The following FBRSL1 variants were observed in gnomAD, a reference collection of about 807,000 sequenced individuals.
The protein encoded by FBRSL1 is fibrosin like 1.
A neutral mutation model predicts 89.6 loss-of-function variants in FBRSL1; 51 were observed. That is an observed-to-expected ratio of 0.57 (90% confidence interval 0.45 to 0.72). FBRSL1 has a LOEUF of 0.72. Ranked by LOEUF, FBRSL1 falls within the 30% of genes least tolerant of loss-of-function variation. FBRSL1 has a pLI of 0.00. For synonymous variants in FBRSL1, 779 were observed against 681.1 expected (o/e 1.14, Z -2.24); for missense variants, 1,618 against 1,451.8 (o/e 1.11, Z -1.86).
chr12:132,546,225 G>T lies in FBRSL1; in HGVS notation c.616-1778G>T, dbSNP rs906023625. On this transcript the variant is annotated intron_variant, in intron 4 of 18. Transcript: ENST00000680143. This position sits in a 1 kb window ranked among gnomAD's most constrained non-coding sequence, Gnocchi z 4.0. Reference sequence around the variant, plus strand: ...CATACTTTCCTCACCAAACACCAAGGCCCGCCCATATCACAGCAGGGGAGA... The same window carrying T: ...CATACTTTCCTCACCAAACACCAAGTCCCGCCCATATCACAGCAGGGGAGA... Among the ~76,000 whole-genome samples the T allele has an allele frequency of 6.6e-6, 1 of 152,232 alleles. No homozygotes were observed. The highest frequency in any genetic ancestry group is 2.4e-5 in the African/African-American group (1 of 41,450).
chr12:132,570,902 G>A (rs1194653141), intron 8 of FBRSL1, among the ~76,000 whole-genome samples, 166 bp from the exon 9 acceptor site: 3 of 152,312 alleles, frequency 2.0e-5, no homozygotes, highest in East Asian at 1.9e-4. Flanking sequence ...AACCCCGACC[G>A]CGAAGGCTTC....
At position 132,580,870 on chromosome 12, in the gene FBRSL1, A is replaced by AGGGCCC. The variant is rs562722518; in HGVS notation, c.1835-562_1835-557dup. ...TGAATCCCCTGCAGCAGCCCCTCCCAGGGCCCGGGCCCAGGCCCCACACGG... is the reference window on the plus strand; with the variant it reads ...TGAATCCCCTGCAGCAGCCCCTCCCAGGGCCCGGGCCCGGGCCCAGGCCCCACACGG... On this transcript the variant is annotated intron_variant, in intron 15 of 18. Transcript: ENST00000680143. The AGGGCCC allele has an allele frequency of 5.6e-4, 547 of 985,266 alleles. 4 individuals are homozygous for AGGGCCC. In the African/African-American group the frequency reaches 8.5e-3, roughly 15 times the overall value. 61.0% of individuals were successfully genotyped at this position (985,266 alleles called of 1,614,324 possible).
At chr12:132,544,113 G>A (rs1185362839) in intron 4 of FBRSL1, among the ~76,000 whole-genome samples, 1 of 152,220 alleles carries the variant, frequency 6.6e-6, no homozygotes, top group African/African-American at 2.4e-5. Flanking sequence ...GAATCACCCG[G>A]CTGCTACTCC....
rs2041008607 is a variant in FBRSL1 at position 132,584,572 on chromosome 12, C to A, written c.*794C>A. Reference sequence around the variant, plus strand: ...ATGCAAGCGCTTCCCGGCGGCTCTGCTGGTTGGGGGAGGAAGGTTCCGCCA... The same window carrying A: ...ATGCAAGCGCTTCCCGGCGGCTCTGATGGTTGGGGGAGGAAGGTTCCGCCA... On this transcript the variant is annotated 3_prime_UTR_variant, in exon 19 of 19. Transcript: ENST00000680143. The A allele has an allele frequency of 6.6e-6, 1 of 152,188 alleles. No homozygotes were observed. The highest frequency in any genetic ancestry group is 1.5e-5 in the Non-Finnish European group (1 of 68,040). The allele number at this position is 152,188 out of a possible 1,614,324, so 9.4% of individuals were successfully genotyped here.
intron 2 of FBRSL1, among the ~76,000 whole-genome samples, chr12:132,525,023 C>T (rs1249954715): frequency 6.7e-6 from 1 of 148,708 alleles, no homozygotes; most frequent in Non-Finnish European, 1.5e-5. Flanking sequence ...TGGCACGCAT[C>T]GGCGCCCATG....
chr12:132,490,526 C>T lies in FBRSL1; in HGVS notation c.-45C>T. On this transcript the variant is annotated 5_prime_UTR_variant, in exon 1 of 19. Coordinates refer to ENST00000680143, the MANE Select transcript of FBRSL1 (RefSeq NM_001367871.1). Reference sequence around the variant, plus strand: ...GGGAGCCCGCCTGCTGCGAGCCAGGCGCGGGGCGTCAAGGTCACCGGCCCG... The same window carrying T: ...GGGAGCCCGCCTGCTGCGAGCCAGGTGCGGGGCGTCAAGGTCACCGGCCCG... The T allele has an allele frequency of 1.0e-6, 1 of 976,562 alleles. No individual in the cohort carries two copies. The highest frequency in any genetic ancestry group is 4.6e-5 in the South Asian group (1 of 21,644). 60.5% of individuals were successfully genotyped at this position (976,562 alleles called of 1,614,324 possible). A position where few individuals can be genotyped will look rare whatever the true frequency, so the allele number is the denominator to read the frequency against.
rs2040965070 is a variant in FBRSL1, at chr12:132,583,799, C to T, written c.*21C>T. Reference sequence around the variant, plus strand: ...GGTAGCCCCGGGGCCGCAGACGCCTCTCCGAGCGGAGCGCACCGCTGTCCG... The same window carrying T: ...GGTAGCCCCGGGGCCGCAGACGCCTTTCCGAGCGGAGCGCACCGCTGTCCG... On this transcript the variant is annotated 3_prime_UTR_variant, in exon 19 of 19. Transcript: ENST00000680143. 8.4e-7 allele frequency: 1 copy of T among 1,195,440 alleles called. No individual in the cohort carries two copies. The highest frequency in any genetic ancestry group is 1.6e-5 in the African/African-American group (1 of 63,452). The allele number at this position is 1,195,440 out of a possible 1,614,324, so 74.1% of individuals were successfully genotyped here.
intron 5 of FBRSL1, among the ~76,000 whole-genome samples, chr12:132,558,112 C>T (rs139494103): frequency 1.6e-4 from 25 of 152,042 alleles, no homozygotes; most frequent in Non-Finnish European, 1.6e-4. Flanking sequence ...GGCCCCTTCA[C>T]GGCCTTTGTC....
chr12:132,543,435 C>G (rs568299903), intron 4 of FBRSL1, among the ~76,000 whole-genome samples: 14 of 152,296 alleles, frequency 9.2e-5, no homozygotes, highest in African/African-American at 3.1e-4. Flanking sequence ...GCCCAGCATT[C>G]GACACCCCAG....
intron 5 of FBRSL1, among the ~76,000 whole-genome samples, chr12:132,548,422 C>T (rs753726764): frequency 5.9e-5 from 9 of 152,164 alleles, no homozygotes; most frequent in African/African-American, 9.7e-5. Flanking sequence ...AGGGGCAGAG[C>T]CCAGCCCCCA....
At chr12:132,491,897 G>A (rs1179369967) in intron 1 of FBRSL1, among the ~76,000 whole-genome samples, 2 of 152,218 alleles carry the variant, frequency 1.3e-5, no homozygotes, top group Admixed American at 1.3e-4. Flanking sequence ...CCAAGTGCAC[G>A]GACAGAGCTG....
intron 11 of FBRSL1, among the ~76,000 whole-genome samples, chr12:132,573,269 C>T (rs529649465): frequency 1.2e-4 from 18 of 152,342 alleles, no homozygotes; most frequent in African/African-American, 4.3e-4. Flanking sequence ...AGCCCTTGAC[C>T]TCCCAGGATC....
In FBRSL1 at chr12:132,574,118, G is replaced by A. The variant is rs185289493; in HGVS notation, c.1559G>A (p.Arg520Gln). The change falls in exon 12 of 19, where the codon CGG (arginine) becomes CAG (glutamine). Residue 520 changes from arginine (R) to glutamine (Q), a missense_variant. Physicochemically the swap from Arg to Gln is conservative, Grantham distance 43. Coordinates refer to ENST00000680143, the MANE Select transcript of FBRSL1 (RefSeq NM_001367871.1). Reference protein sequence around the residue: ...KTSSPIEVARRAGAVHTLLQK... With the variant: ...KTSSPIEVARQAGAVHTLLQK... ...TCAAGCCCCATTGAGGTGGCCCGCC[G>A]GGCTGGTGCGGTTCACACACTCCTG... 6.0e-5 allele frequency: 82 copies of A among 1,356,134 alleles called. No homozygotes were observed. The highest frequency in any genetic ancestry group is 1.8e-4 in the African/African-American group (12 of 66,324). 84.0% of individuals were successfully genotyped at this position (1,356,134 alleles called of 1,614,324 possible). A position where few individuals can be genotyped will look rare whatever the true frequency, so the allele number is the denominator to read the frequency against.
chr12:132,574,791 G>A (rs566826987), intron 14 of FBRSL1, among the ~76,000 whole-genome samples: 10 of 152,196 alleles, frequency 6.6e-5, no homozygotes, highest in African/African-American at 1.7e-4. Context: ...CCCTCTCCTC[G>A]GCAAGGTGTG....
rs1223647472 is a variant in FBRSL1, at chr12:132,546,669, G to A, written c.616-1334G>A. ...GACCAGGGGGGACCAGCACACAGCC[G>A]GGACAGACAGCCTGGGGGAGCCTGT... is the stretch of plus-strand genomic sequence containing the variant. On this transcript the variant is annotated intron_variant, in intron 4 of 18. Transcript: ENST00000680143. This position sits in a 1 kb window ranked among gnomAD's most constrained non-coding sequence, Gnocchi z 4.0. Among the ~76,000 whole-genome samples the A allele has an allele frequency of 3.9e-5, 6 of 152,122 alleles. No individual in the cohort carries two copies. Among genetic ancestry groups the A allele is most frequent in the Admixed American group, 1.3e-4 (2 of 15,260 alleles).
chr12:132,582,122 C>T lies in FBRSL1; in HGVS notation c.2057C>T (p.Pro686Leu), dbSNP rs904286042. The stretch of plus-strand genomic sequence containing the variant: ...TCCTCCGTGCACGGCCTGCCCAGCC[C>T]CCATGAGGCCTGGAACCGACTGCAC... ...EGSSVHGLPS[P>L]HEAWNRLHRA... is the part of the protein sequence containing the mutation. The change falls in exon 18 of 19, where the codon CCC becomes CTC. Residue 686 changes from proline (P) to leucine (L), a missense_variant. Pro to Leu is a moderately conservative substitution (Grantham distance 98). Transcript: ENST00000680143. 1.3e-6 allele frequency: 2 copies of T among 1,549,972 alleles called. No individual in the cohort carries two copies. The highest frequency in any genetic ancestry group is 4.9e-5 in the East Asian group (2 of 40,910).
chr12:132,528,218 C>A (rs751054470), intron 4 of FBRSL1, among the ~76,000 whole-genome samples: 21 of 152,162 alleles, frequency 1.4e-4, no homozygotes, highest in Admixed American at 4.6e-4. Context: ...TGCCAGGGGG[C>A]CCCCAGGCTA....
chr12:132,583,535 G>T lies in FBRSL1; in HGVS notation c.2766G>T (p.Leu922=). ...CCCCCGCCTTGGACGGCGCGCTGCTGCCCTCGCTGGGAGCCCTGCACTTCC... is the reference window on the plus strand; with the variant it reads ...CCCCCGCCTTGGACGGCGCGCTGCTTCCCTCGCTGGGAGCCCTGCACTTCC... ...PAAPALDGAL[L]PSLGALHFPR... Residue 922 remains leucine, a synonymous_variant, in exon 19 of 19, where the codon CTG becomes CTT. Transcript: ENST00000680143. The T allele has an allele frequency of 1.9e-6, 2 of 1,046,858 alleles. No individual in the cohort carries two copies. Among genetic ancestry groups the T allele is most frequent in the South Asian group, 2.9e-5 (1 of 34,550 alleles). The allele number at this position is 1,046,858 out of a possible 1,614,324, so 64.8% of individuals were successfully genotyped here.
intron 5 of FBRSL1, among the ~76,000 whole-genome samples, chr12:132,558,434 A>C (rs532802216): frequency 1.3e-5 from 2 of 152,352 alleles, no homozygotes; most frequent in African/African-American, 4.8e-5. Flanking sequence ...GGCTTGCGGC[A>C]TGCAGTGCGC....
Sources: gnomAD v4.1 joint callset for allele counts (sites outside exome capture counted in the v4.1 genomes callset) on GRCh38, gnomAD v4.1.1 for gene constraint, Gnocchi (gnomAD v3.1) non-coding constraint, MANE v1.5 for transcripts, NCBI Gene and HGNC (gene_info 2026-07-23, HGNC 2026-07-21) for gene names.